The following KDM4C variants were observed in gnomAD, a reference collection of about 807,000 sequenced individuals.
KDM4C encodes lysine demethylase 4C, also known as lysine-specific demethylase 4C.
In KDM4C, 81 loss-of-function variants were observed where a neutral mutation model predicts 129.3. That is an observed-to-expected ratio of 0.63 (90% confidence interval 0.52 to 0.75). The LOEUF (loss-of-function observed/expected upper bound fraction) is 0.75. Among genes scored for constraint, KDM4C ranks in the 30% least tolerant of loss-of-function variants. The pLI is 0.00. For missense variants in KDM4C, 1,457 were observed against 1,304.0 expected, an observed-to-expected ratio of 1.12 and a Z score of -1.81; for synonymous variants, 573 against 456.1, an observed-to-expected ratio of 1.26 and a Z score of -3.26.
At chr9:7,126,293 G>A (rs1189704094) in intron 18 of KDM4C, among the ~76,000 whole-genome samples, 1 of 152,166 alleles carries the variant, frequency 6.6e-6, no homozygotes, top group Non-Finnish European at 1.5e-5. Context: ...GCTGTTGTCA[G>A]TATGAGCTGG....
intron 4 of KDM4C, among the ~76,000 whole-genome samples, chr9:6,819,861 A>G (rs1199212019): frequency 6.6e-6 from 1 of 152,200 alleles, no homozygotes; most frequent in African/African-American, 2.4e-5. Flanking sequence ...TCTTTAGTTC[A>G]GTATTTAAAT....
At chr9:6,765,239 C>T (rs528011327) in intron 1 of KDM4C, among the ~76,000 whole-genome samples, 12 of 152,304 alleles carry the variant, frequency 7.9e-5, no homozygotes, top group Admixed American at 7.9e-4. Context: ...GTTCTCTCTA[C>T]CTATTGGCTT....
At chr9:6,723,830 C>G (rs1488682763) in intron 1 of KDM4C, 1 of 152,114 alleles carries the variant, frequency 6.6e-6, no homozygotes, top group Non-Finnish European at 1.5e-5. Context: ...CATTGTGGCC[C>G]TTGAAACTTA....
chr9:6,924,032 C>G (rs1822023434), intron 8 of KDM4C, among the ~76,000 whole-genome samples: 1 of 152,190 alleles, frequency 6.6e-6, no homozygotes, highest in South Asian at 2.1e-4. Flanking sequence ...ATGTCTTCCT[C>G]AGGTGCCTTA....
intron 3 of KDM4C, among the ~76,000 whole-genome samples, chr9:6,813,954 T>C (rs1366685428): frequency 6.6e-6 from 1 of 152,184 alleles, no homozygotes; most frequent in Non-Finnish European, 1.5e-5. Flanking sequence ...TATAAACTTG[T>C]ATTTTCAATT....
intron 17 of KDM4C, among the ~76,000 whole-genome samples, chr9:7,055,706 G>A (rs1830778146): frequency 6.6e-6 from 1 of 152,112 alleles, no homozygotes; most frequent in African/African-American, 2.4e-5. Flanking sequence ...TTTCTTAGAC[G>A]AAGGCGCATG....
intron 5 of KDM4C, among the ~76,000 whole-genome samples, chr9:6,868,887 C>A (rs929119474): frequency 2.0e-5 from 3 of 151,348 alleles, no homozygotes; most frequent in East Asian, 3.9e-4. Flanking sequence ...TTTTTTCTCA[C>A]GAAAAATAGT....
chr9:7,142,507 C>G (rs1488393537), intron 19 of KDM4C, among the ~76,000 whole-genome samples: 1 of 152,132 alleles, frequency 6.6e-6, no homozygotes, highest in Admixed American at 6.5e-5. Context: ...CTATGTTGCC[C>G]TGAGAAGAGC....
rs1166995467 is a variant in KDM4C at position 6,955,532 on chromosome 9, G to GC, written c.922-25391dup. Among the ~76,000 whole-genome samples, 6 of 152,104 alleles carry GC rather than the reference G, an allele frequency of 3.9e-5. 1 individual carries two copies. Among genetic ancestry groups the GC allele is most frequent in the Non-Finnish European group, 5.9e-5 (4 of 68,016 alleles). The stretch of plus-strand genomic sequence containing the variant: ...AATCATTCAGCCCTCTTATTGTGTT[G>GC]CCTGCATATTTGCATGGAATCTGTG... On this transcript the variant is annotated intron_variant, in intron 8 of 21. Coordinates refer to ENST00000381309, the MANE Select transcript of KDM4C (RefSeq NM_015061.6).
chr9:7,037,433 T>C (rs1564022665), intron 15 of KDM4C, among the ~76,000 whole-genome samples: 1 of 152,202 alleles, frequency 6.6e-6, no homozygotes, highest in Non-Finnish European at 1.5e-5. Flanking sequence ...GACAGCCATA[T>C]TACAACAATG....
intron 17 of KDM4C, among the ~76,000 whole-genome samples, chr9:7,078,260 G>C (rs1029078474): frequency 6.6e-6 from 1 of 151,874 alleles, no homozygotes; most frequent in African/African-American, 2.4e-5. Flanking sequence ...TAAAATCAAT[G>C]GGAAAAAAGT....
intron 17 of KDM4C, among the ~76,000 whole-genome samples, chr9:7,054,855 C>T (rs573936094): frequency 6.6e-6 from 1 of 152,254 alleles, no homozygotes; most frequent in Admixed American, 6.5e-5. Context: ...TTTAAATACT[C>T]TATTTGGAGA....
chr9:6,873,951 A>C (rs930484518), intron 5 of KDM4C, among the ~76,000 whole-genome samples: 61 of 148,860 alleles, frequency 4.1e-4, no homozygotes, highest in African/African-American at 1.5e-3. Flanking sequence ...CGAGAGAGAG[A>C]GAGAGAGAGA....
chr9:6,735,447 C>A (rs146436042), intron 1 of KDM4C, among the ~76,000 whole-genome samples: 8 of 152,254 alleles, frequency 5.3e-5, no homozygotes, highest in African/African-American at 1.9e-4. Context: ...ATTGTAACTC[C>A]CATAATTCCC....
intron 16 of KDM4C, among the ~76,000 whole-genome samples, chr9:7,048,645 G>T (rs765749981): frequency 6.6e-6 from 1 of 152,008 alleles, no homozygotes; most frequent in Non-Finnish European, 1.5e-5. Context: ...ACTTAAACAA[G>T]TTTGCTTCAT....
intron 17 of KDM4C, among the ~76,000 whole-genome samples, chr9:7,083,976 CAG>C (rs1424281891): frequency 6.6e-6 from 1 of 152,082 alleles, no homozygotes; most frequent in East Asian, 1.9e-4. Flanking sequence ...GTGTGCAGGG[CAG>C]AGTTACTCAA....
At chr9:6,871,637 A>C (rs1248272939) in intron 5 of KDM4C, among the ~76,000 whole-genome samples, 1 of 152,212 alleles carries the variant, frequency 6.6e-6, no homozygotes, top group Non-Finnish European at 1.5e-5. Context: ...AATGGTAGGC[A>C]TTTTATTTGA....
At chr9:6,997,196 G>C (rs1039543393) in intron 12 of KDM4C, among the ~76,000 whole-genome samples, 2 of 152,150 alleles carry the variant, frequency 1.3e-5, no homozygotes, top group African/African-American at 4.8e-5. Flanking sequence ...AGGAGAGGGG[G>C]AAAGTGACAG....
intron 12 of KDM4C, among the ~76,000 whole-genome samples, chr9:7,002,658 A>G (rs1820940285): frequency 6.6e-6 from 1 of 152,224 alleles, no homozygotes; most frequent in Middle Eastern, 3.4e-3. Flanking sequence ...ATGATGTGAG[A>G]ATTGACTGAG....
Sources: gnomAD v4.1 joint callset for allele counts (sites outside exome capture counted in the v4.1 genomes callset) on GRCh38, gnomAD v4.1.1 for gene constraint, MANE v1.5 for transcripts, NCBI Gene and HGNC (gene_info 2026-07-23, HGNC 2026-07-21) for gene names.